HNF1B: variants seen among roughly 807,000 people sequenced by gnomAD.
HNF1B encodes the protein hepatocyte nuclear factor 1-beta.
In HNF1B, 8 loss-of-function variants were observed where a neutral mutation model predicts 61.7. The observed-to-expected ratio is 0.13, with a 90% CI of 0.08 to 0.23. The LOEUF is 0.23. Ranked by LOEUF, HNF1B falls within the 10% of genes least tolerant of loss-of-function variation. The pLI, the probability that HNF1B is intolerant of heterozygous loss-of-function variation, is 1.00. For synonymous variants in HNF1B, 314 were observed against 287.7 expected (o/e 1.09, Z -0.93); for missense variants, 562 against 714.5 (o/e 0.79, Z 2.43).
At chr17:37,711,106 G>A (rs942839619) in intron 4 of HNF1B, among the ~76,000 whole-genome samples, 6 of 152,116 alleles carry the variant, frequency 3.9e-5, no homozygotes, top group African/African-American at 7.2e-5. Context: ...GGCATCCCTC[G>A]TGGTGCTGCA....
chr17:37,723,335 ACT>A (rs560750929), intron 4 of HNF1B, among the ~76,000 whole-genome samples: 127 of 151,862 alleles, frequency 8.4e-4, no homozygotes, highest in African/African-American at 2.8e-3. Context: ...AGATAGCGAG[ACT>A]CTGTCTCAAA....
intron 4 of HNF1B, among the ~76,000 whole-genome samples, chr17:37,724,682 T>C (rs1194598253): frequency 6.6e-6 from 1 of 152,224 alleles, no homozygotes; most frequent in African/African-American, 2.4e-5. Flanking sequence ...TCCATGTCTA[T>C]GGTCTATGGC....
intron 4 of HNF1B, among the ~76,000 whole-genome samples, chr17:37,719,458 A>C (rs2097759): frequency 0.11 from 17,466 of 152,306 alleles, 1,297 homozygotes; most frequent in Non-Finnish European, 0.17. Context: ...AATAACTTTT[A>C]AATGCCCCTT....
Position 37,693,570 on chromosome 17 carries a change from A to G in HNF1B, c.1653+5506T>C, listed in dbSNP as rs78092242. On this transcript the variant is annotated intron_variant, in intron 8 of 8. Coordinates refer to ENST00000617811, the MANE Select transcript of HNF1B (RefSeq NM_000458.4). The stretch of plus-strand genomic sequence containing the variant: ...GCCCGGTTCAGTGCACACATCAGCA[A>G]GTGAAATGCTCTGAGAAGCCCTGCC... 1.3e-3 allele frequency among the ~76,000 whole-genome samples: 205 copies of G among 152,332 alleles called. 2 individuals carry two copies. The East Asian group carries it at 0.035, about 26-fold the overall frequency.
chr17:37,716,034 C>T (rs2033098201), intron 4 of HNF1B, among the ~76,000 whole-genome samples: 1 of 151,972 alleles, frequency 6.6e-6, no homozygotes, highest in Non-Finnish European at 1.5e-5. Flanking sequence ...GTGTAATCCC[C>T]ACTACTCAGG....
chr17:37,723,855 A>G (rs1157264944), intron 4 of HNF1B, among the ~76,000 whole-genome samples: 4 of 152,142 alleles, frequency 2.6e-5, no homozygotes, highest in Admixed American at 6.5e-5. Context: ...ATCTTATTTA[A>G]TTCTTCCAGC....
chr17:37,743,427 TG>T (rs2034063004), intron 1 of HNF1B, among the ~76,000 whole-genome samples: 1 of 152,160 alleles, frequency 6.6e-6, no homozygotes, highest in Non-Finnish European at 1.5e-5. Flanking sequence ...AAAGTGTGTT[TG>T]GGGAAAAAAA....
intron 1 of HNF1B, among the ~76,000 whole-genome samples, chr17:37,742,920 C>T (rs1039445190): frequency 1.3e-5 from 2 of 151,826 alleles, no homozygotes; most frequent in African/African-American, 4.8e-5. Context: ...TCTCCTTCCC[C>T]CCTCTAAGCC....
intron 5 of HNF1B, among the ~76,000 whole-genome samples, chr17:37,706,699 G>A (rs1392241011): frequency 1.5e-5 from 2 of 134,716 alleles, no homozygotes; most frequent in African/African-American, 2.7e-5. Context: ...AAAAAAATCC[G>A]TAGCCTGCCC....
In HNF1B at chr17:37,701,322, A is replaced by G; in HGVS notation, c.1340-145T>C. The G allele has an allele frequency of 1.5e-5, 12 of 781,192 alleles. No individual in the cohort carries two copies. The South Asian group carries it at 1.8e-4, about 12-fold the overall frequency. 48.4% of individuals were successfully genotyped at this position (781,192 alleles called of 1,614,324 possible). A position where few individuals can be genotyped will look rare whatever the true frequency, so the allele number is the denominator to read the frequency against. On this transcript the variant is annotated intron_variant, in intron 6 of 8. Transcript: ENST00000617811. Reference sequence around the variant, plus strand: ...GATTCCATGGGAGGCAAGTGTAAAGAAACGGAGACTTGGAGATATTAATTT... The same window carrying G: ...GATTCCATGGGAGGCAAGTGTAAAGGAACGGAGACTTGGAGATATTAATTT...
chr17:37,722,739 G>A (rs957528367), intron 4 of HNF1B, among the ~76,000 whole-genome samples: 3 of 152,144 alleles, frequency 2.0e-5, no homozygotes, highest in Admixed American at 6.5e-5. Context: ...GTGCTATTGC[G>A]GAGGCTGCTG....
intron 4 of HNF1B, among the ~76,000 whole-genome samples, chr17:37,713,801 C>T (rs2033015436): frequency 1.3e-5 from 2 of 152,292 alleles, no homozygotes; most frequent in African/African-American, 4.8e-5. Context: ...GGTGTTCCCA[C>T]GATGCTCCTC....
chr17:37,727,968 T>A (rs2033557103), intron 4 of HNF1B, among the ~76,000 whole-genome samples: 1 of 151,804 alleles, frequency 6.6e-6, no homozygotes, highest in Non-Finnish European at 1.5e-5. Flanking sequence ...GATTTTGGGC[T>A]CTCCTCAGCA....
intron 8 of HNF1B, among the ~76,000 whole-genome samples, chr17:37,697,081 A>T (rs2032409846): frequency 6.6e-6 from 1 of 152,204 alleles, no homozygotes; most frequent in African/African-American, 2.4e-5. Context: ...GGAGTCAAAG[A>T]CCAAAGCCTG....
In HNF1B at chr17:37,744,919, T is replaced by TGGGGG; in HGVS notation, c.-36_-35insCCCCC. On this transcript the variant is annotated 5_prime_UTR_variant, in exon 1 of 9. Transcript: ENST00000617811. ...ACGGAAAAAGAAGGGGGTGAGGGGG[T>TGGGGG]GGGTGGGTGCGAGAGAGGAGGGTGG... 1.6e-5 allele frequency: 6 copies of TGGGGG among 378,222 alleles called. No individual in the cohort carries two copies. The highest frequency in any genetic ancestry group is 3.4e-5 in the Admixed American group (1 of 29,554). The allele number at this position is 378,222 out of a possible 1,614,324, so 23.4% of individuals were successfully genotyped here.
intron 6 of HNF1B, among the ~76,000 whole-genome samples, chr17:37,703,187 G>C (rs1427052667): frequency 6.6e-6 from 1 of 152,226 alleles, no homozygotes. Flanking sequence ...TGTCTCAGCA[G>C]TCTTCTGGTG....
chr17:37,743,472 G>A (rs113970470), intron 1 of HNF1B, among the ~76,000 whole-genome samples: 4 of 152,342 alleles, frequency 2.6e-5, no homozygotes, highest in South Asian at 2.1e-4. Flanking sequence ...TTGGCTAGAG[G>A]GCAAACCGCC....
intron 5 of HNF1B, among the ~76,000 whole-genome samples, chr17:37,706,184 C>T (rs546768929): frequency 6.6e-6 from 1 of 152,270 alleles, no homozygotes; most frequent in South Asian, 2.1e-4. Context: ...GTCTTGAACT[C>T]CTGACCTCAG....
chr17:37,712,405 T>C (rs2032964929), intron 4 of HNF1B, among the ~76,000 whole-genome samples: 2 of 150,994 alleles, frequency 1.3e-5, no homozygotes, highest in African/African-American at 5.0e-5. Flanking sequence ...CCCCCACGTC[T>C]CCTGTTTGCC....
Sources: gnomAD v4.1 joint callset for allele counts (sites outside exome capture counted in the v4.1 genomes callset) on GRCh38, gnomAD v4.1.1 for gene constraint, MANE v1.5 for transcripts, NCBI Gene and HGNC (gene_info 2026-07-23, HGNC 2026-07-21) for gene names.